STAMBP: variants seen among roughly 807,000 people sequenced by gnomAD.
The protein encoded by STAMBP is STAM binding protein.
Under a neutral mutation model 50.7 loss-of-function variants are expected in STAMBP, and 31 were observed. The ratio of observed to expected loss-of-function variants is 0.61; its 90% CI spans 0.46 to 0.83. The LOEUF is 0.83. Among genes scored for constraint, STAMBP ranks in the 40% least tolerant of loss-of-function variants. The pLI, the probability that STAMBP is intolerant of heterozygous loss-of-function variation, is 0.00. For synonymous variants in STAMBP, 211 were observed against 192.4 expected (o/e 1.10, Z -0.80); for missense variants, 472 against 518.9 (o/e 0.91, Z 0.88).
intron 2 of STAMBP, among the ~76,000 whole-genome samples, chr2:73,839,945 G>C (rs990454732): frequency 6.6e-6 from 1 of 152,192 alleles, no homozygotes; most frequent in Non-Finnish European, 1.5e-5. Flanking sequence ...AACAGTCCCA[G>C]ATTCATGGCT....
At chr2:73,854,150 A>G (rs1677238009) in intron 7 of STAMBP, among the ~76,000 whole-genome samples, 1 of 152,228 alleles carries the variant, frequency 6.6e-6, no homozygotes, top group Non-Finnish European at 1.5e-5. Context: ...CAGGGGGAAA[A>G]ACATCCATTC....
In STAMBP at chr2:73,850,407, T is replaced by C. The variant is rs2104543390; in HGVS notation, c.899T>C (p.Leu300Pro). ...MRNEFTITHVLIPKQSAGSDY... is the reference protein window; with the variant it reads ...MRNEFTITHVPIPKQSAGSDY... ...AATGAATTTACCATTACCCATGTTC[T>C]CATCCCCAAGCAAAGTGCTGGGTCT... Residue 300 changes from leucine (L) to proline (P), a missense_variant, in exon 7 of 10, where the codon CTC becomes CCC. Leu to Pro is a moderately conservative substitution (Grantham distance 98, BLOSUM62 -3). Transcript: ENST00000394070. The surrounding 1 kb of genome is among the most constrained non-coding windows in gnomAD (Gnocchi z 4.3). The C allele has an allele frequency of 6.2e-7, 1 of 1,613,250 alleles. No homozygotes were observed.
At chr2:73,842,066 C>T (rs1675460980) in intron 2 of STAMBP, among the ~76,000 whole-genome samples, 1 of 152,168 alleles carries the variant, frequency 6.6e-6, no homozygotes, top group African/African-American at 2.4e-5. Flanking sequence ...CACACCTACT[C>T]TTATCTGTTC....
In STAMBP at chr2:73,831,203, C is replaced by G; in HGVS notation, c.203+144C>G. On this transcript the variant is annotated intron_variant, in intron 2 of 9. Transcript: ENST00000394070. ...AACTCCTACATATTGGCTGTCCTTG[C>G]CGTTCAAAGACATGAGTGCTGAAGG... is the stretch of plus-strand genomic sequence containing the variant. 4.5e-6 allele frequency: 3 copies of G among 660,384 alleles called. No individual in the cohort carries two copies. In the South Asian group the frequency reaches 5.5e-5, roughly 12 times the overall value. The allele number at this position is 660,384 out of a possible 1,614,324, so 40.9% of individuals were successfully genotyped here.
downstream of STAMBP, among the ~76,000 whole-genome samples, chr2:73,870,604 G>T (rs1002153101): frequency 6.6e-6 from 1 of 152,120 alleles, no homozygotes; most frequent in Non-Finnish European, 1.5e-5. Flanking sequence ...AATCATAATG[G>T]GTTATTGGTG....
At chr2:73,836,214 G>A (rs1558560922) in intron 2 of STAMBP, among the ~76,000 whole-genome samples, 3 of 152,330 alleles carry the variant, frequency 2.0e-5, no homozygotes, top group South Asian at 4.1e-4. Context: ...TGCTTTCCCC[G>A]TGTGAAGGAG....
chr2:73,842,968 G>A (rs201051630), intron 2 of STAMBP, among the ~76,000 whole-genome samples: 2 of 152,070 alleles, frequency 1.3e-5, no homozygotes, highest in East Asian at 3.9e-4. Context: ...GCTGATTCAG[G>A]CCTCAATACA....
intron 7 of STAMBP, among the ~76,000 whole-genome samples, chr2:73,858,863 G>A (rs1466043200): frequency 6.6e-6 from 1 of 152,200 alleles, no homozygotes; most frequent in African/African-American, 2.4e-5. Flanking sequence ...TCAGAGACCA[G>A]ACTTGGTTGT....
intron 4 of STAMBP, among the ~76,000 whole-genome samples, chr2:73,846,062 G>T (rs548241462): frequency 1.3e-5 from 2 of 152,202 alleles, no homozygotes; most frequent in Admixed American, 6.5e-5. Flanking sequence ...GTAGCTGTCT[G>T]CTGGTCTCTA....
At chr2:73,857,552 T>C (rs1462393428) in intron 7 of STAMBP, among the ~76,000 whole-genome samples, 1 of 152,178 alleles carries the variant, frequency 6.6e-6, no homozygotes, top group African/African-American at 2.4e-5. Flanking sequence ...CTGGGAGCTC[T>C]CTCCCTGAGA....
chr2:73,842,941 G>C (rs1274207872), intron 2 of STAMBP, among the ~76,000 whole-genome samples: 4 of 152,108 alleles, frequency 2.6e-5, no homozygotes, highest in African/African-American at 9.7e-5. Context: ...GTGTTTATAT[G>C]ACATAGTACT....
chr2:73,857,428 C>G (rs1177211815), intron 7 of STAMBP, among the ~76,000 whole-genome samples: 3 of 152,166 alleles, frequency 2.0e-5, no homozygotes, highest in Non-Finnish European at 2.9e-5. Context: ...TCCCCCTTCC[C>G]CCTGAGTGCT....
At chr2:73,856,477 A>G (rs905308518) in intron 7 of STAMBP, among the ~76,000 whole-genome samples, 2 of 152,250 alleles carry the variant, frequency 1.3e-5, no homozygotes, top group Non-Finnish European at 2.9e-5. Flanking sequence ...CTTGATGGTC[A>G]GTTAGAAATT....
chr2:73,834,236 A>AAT (rs148699255), intron 2 of STAMBP, among the ~76,000 whole-genome samples: 16 of 36,400 alleles, frequency 4.4e-4, no homozygotes, highest in African/African-American at 2.0e-3. Flanking sequence ...AAAAAAAAAA[A>AAT]ATATATATAT....
At chr2:73,852,606 A>G (rs1009457295) in intron 7 of STAMBP, among the ~76,000 whole-genome samples, 1 of 152,192 alleles carries the variant, frequency 6.6e-6, no homozygotes, top group Non-Finnish European at 1.5e-5. Flanking sequence ...GTAGTTAGCA[A>G]TGGAGCAAAG....
At chr2:73,862,126 G>T in intron 9 of STAMBP, 77 bp from the exon 10 acceptor site, 4 of 1,334,448 alleles carry the variant, frequency 3.0e-6, no homozygotes, top group South Asian at 2.9e-5. Context: ...AACAGAGCAA[G>T]ACCCTATATG....
intron 2 of STAMBP, among the ~76,000 whole-genome samples, chr2:73,843,191 CTT>C (rs34680117): frequency 2.3e-5 from 3 of 129,856 alleles, no homozygotes; most frequent in Non-Finnish European, 3.2e-5. Context: ...TTATATCTTT[CTT>C]TTTTTTTTTT....
chr2:73,846,000 G>A (rs529690716), intron 4 of STAMBP, among the ~76,000 whole-genome samples: 13 of 152,286 alleles, frequency 8.5e-5, no homozygotes, highest in African/African-American at 2.4e-4. Context: ...CTGCCAGGGC[G>A]CTGTCAGTGG....
chr2:73,869,721 A>G (rs547511622), downstream of STAMBP, among the ~76,000 whole-genome samples: 2 of 152,282 alleles, frequency 1.3e-5, no homozygotes, highest in Non-Finnish European at 2.9e-5. Flanking sequence ...AACTTAAAGT[A>G]TAATAATAAT....
Sources: allele counts gnomAD v4.1 joint callset (sites outside exome capture counted in the v4.1 genomes callset), GRCh38; gene constraint gnomAD v4.1.1; non-coding constraint Gnocchi (gnomAD v3.1); transcripts MANE v1.5; gene names NCBI Gene and HGNC (gene_info 2026-07-23, HGNC 2026-07-21).